XPO4: variants seen among roughly 807,000 people sequenced by gnomAD.
XPO4 encodes the protein exportin-4.
In XPO4, 39 loss-of-function variants were observed where a neutral mutation model predicts 143.0. The ratio of observed to expected loss-of-function variants is 0.27; its 90% CI spans 0.21 to 0.36. XPO4 has a LOEUF of 0.36. XPO4 is among the 10% of genes least tolerant of loss of function. The pLI, the probability that XPO4 is intolerant of heterozygous loss-of-function variation, is 1.00. For missense variants in XPO4, 907 were observed against 1,348.0 expected (o/e 0.67, Z 5.12); for synonymous variants, 439 against 474.0 (o/e 0.93, Z 0.96).
chr13:20,859,130 G>A (rs1485815003), intron 3 of XPO4, among the ~76,000 whole-genome samples: 1 of 151,378 alleles, frequency 6.6e-6, no homozygotes, highest in African/African-American at 2.4e-5. Context: ...TCAGGAGTTA[G>A]AGACCAGCCT....
chr13:20,847,166 G>T (rs2060036862), intron 4 of XPO4, among the ~76,000 whole-genome samples: 1 of 152,120 alleles, frequency 6.6e-6, no homozygotes, highest in South Asian at 2.1e-4. Context: ...AGAGACTCCT[G>T]GGGAATGATG....
At chr13:20,880,432 CA>C (rs1201714994) in intron 1 of XPO4, among the ~76,000 whole-genome samples, 6 of 115,590 alleles carry the variant, frequency 5.2e-5, no homozygotes, top group Non-Finnish European at 5.4e-5. Flanking sequence ...GACTCCGTCT[CA>C]AAAAAAAAAG....
chr13:20,827,254 G>A, intron 6 of XPO4, 75 bp from the exon 7 acceptor site: 1 of 1,051,550 alleles, frequency 9.5e-7, no homozygotes, highest in Admixed American at 1.8e-5. Flanking sequence ...AAATATAACA[G>A]GAGCCATCTA....
chr13:20,864,685 C>T (rs1386825804), intron 2 of XPO4, among the ~76,000 whole-genome samples: 1 of 152,124 alleles, frequency 6.6e-6, no homozygotes, highest in African/African-American at 2.4e-5. Flanking sequence ...GTTTTTACAT[C>T]CAAGCCTTTT....
At chr13:20,798,791 G>T (rs532997579) in intron 16 of XPO4, among the ~76,000 whole-genome samples, 1 of 152,156 alleles carries the variant, frequency 6.6e-6, no homozygotes, top group South Asian at 2.1e-4. Flanking sequence ...AGGCCAAGGC[G>T]GGCAGATTGC....
intron 9 of XPO4, among the ~76,000 whole-genome samples, chr13:20,816,692 T>G (rs1354239839): frequency 1.3e-5 from 2 of 152,230 alleles, no homozygotes; most frequent in Non-Finnish European, 2.9e-5. Context: ...TAACACTGGT[T>G]CTGCACTAGG....
Position 20,779,678 on chromosome 13 carries a change from A to G in XPO4, c.*4044T>C, listed in dbSNP as rs886521009. The G allele has an allele frequency of 1.3e-5, 2 of 152,618 alleles. No homozygotes were observed. The highest frequency in any genetic ancestry group is 2.9e-5 in the Non-Finnish European group (2 of 68,030). 9.5% of individuals were successfully genotyped at this position (152,618 alleles called of 1,614,324 possible). A position where few individuals can be genotyped will look rare whatever the true frequency, so the allele number is the denominator to read the frequency against. On this transcript the variant is annotated 3_prime_UTR_variant, in exon 23 of 23. Coordinates refer to ENST00000255305, the MANE Select transcript of XPO4 (RefSeq NM_022459.5). The stretch of plus-strand genomic sequence containing the variant: ...CTTTACTAAGACTTACCCATAGAGA[A>G]CTACAGCAGGAAACCGATTTCTTCA...
At chr13:20,838,229 GCA>G (rs1205583512) in intron 6 of XPO4, among the ~76,000 whole-genome samples, 14 of 152,092 alleles carry the variant, frequency 9.2e-5, no homozygotes, top group Non-Finnish European at 1.6e-4. Context: ...ATCTCTCTAT[GCA>G]CATCCTACAG....
At chr13:20,833,734 A>G (rs185259001) in intron 6 of XPO4, among the ~76,000 whole-genome samples, 60 of 152,272 alleles carry the variant, frequency 3.9e-4, no homozygotes, top group African/African-American at 1.2e-3. Flanking sequence ...GAAAATAGCA[A>G]AAGAAAGCCA....
At chr13:20,874,123 A>T (rs2138145105) in intron 1 of XPO4, among the ~76,000 whole-genome samples, 1 of 152,332 alleles carries the variant, frequency 6.6e-6, no homozygotes, top group Middle Eastern at 3.4e-3. Context: ...TGCTGGCGAC[A>T]CACAGTTGGG....
At chr13:20,831,584 T>C (rs2138011719) in intron 6 of XPO4, among the ~76,000 whole-genome samples, 1 of 152,274 alleles carries the variant, frequency 6.6e-6, no homozygotes, top group African/African-American at 2.4e-5. Flanking sequence ...TATATTTTTC[T>C]AAAATAAATA....
chr13:20,841,899 G>T (rs2059978238), intron 6 of XPO4, among the ~76,000 whole-genome samples: 1 of 150,878 alleles, frequency 6.6e-6, no homozygotes, highest in Non-Finnish European at 1.5e-5. Context: ...CTCCTGAACA[G>T]ACTCTCAGAT....
chr13:20,781,115 A>C lies in XPO4; in HGVS notation c.*2607T>G, dbSNP rs2059137616. 6.6e-6 allele frequency: 1 copy of C among 152,234 alleles called. No individual in the cohort carries two copies. 9.4% of individuals were successfully genotyped at this position (152,234 alleles called of 1,614,324 possible). A position where few individuals can be genotyped will look rare whatever the true frequency, so the allele number is the denominator to read the frequency against. ...AGTGTCCCTTTGACATATATAAAAGAGGGCACAAATAATGTTTTTGTTTTA... is the reference window on the plus strand; with the variant it reads ...AGTGTCCCTTTGACATATATAAAAGCGGGCACAAATAATGTTTTTGTTTTA... On this transcript the variant is annotated 3_prime_UTR_variant, in exon 23 of 23. Transcript: ENST00000255305.
intron 4 of XPO4, chr13:20,852,046 C>A: frequency 2.0e-6 from 2 of 985,388 alleles, no homozygotes; most frequent in Non-Finnish European, 2.4e-6. Context: ...GGACTCTTGA[C>A]CCTTCGCCTG....
chr13:20,888,768 C>G (rs79282817), intron 1 of XPO4, among the ~76,000 whole-genome samples: 2,035 of 151,472 alleles, frequency 0.013, 48 homozygotes, highest in African/African-American at 0.046. Flanking sequence ...TTCACATTCA[C>G]AATTATGAGA....
At chr13:20,848,676 A>G in intron 4 of XPO4, 4 of 985,414 alleles carry the variant, frequency 4.1e-6, no homozygotes, top group Non-Finnish European at 4.8e-6. Flanking sequence ...TCACTAAAGC[A>G]ATATAGTAAA....
intron 3 of XPO4, among the ~76,000 whole-genome samples, chr13:20,862,231 CA>C (rs1019524842): frequency 6.6e-6 from 1 of 152,092 alleles, no homozygotes; most frequent in African/African-American, 2.4e-5. Context: ...ATCAAAAGAA[CA>C]AGTAAATATA....
chr13:20,855,667 T>G lies in XPO4; in HGVS notation c.416A>C (p.His139Pro). 1 of 1,612,254 alleles carries G rather than the reference T, an allele frequency of 6.2e-7. No individual in the cohort carries two copies. Among genetic ancestry groups the G allele is most frequent in the South Asian group, 1.1e-5 (1 of 90,652 alleles). The change falls in exon 4 of 23, where the codon CAT becomes CCT. Residue 139 changes from histidine (H) to proline (P), a missense_variant. Transcript: ENST00000255305. ...ACTACTAATCAACTGGCTGACTTCA[T>G]GAAAAATGCTTTTGCAGTCAATTGA... ...DKSIDCKSIF[H>P]EVSQLISSGN...
chr13:20,854,619 C>T (rs1401159759), intron 4 of XPO4, among the ~76,000 whole-genome samples: 1 of 152,044 alleles, frequency 6.6e-6, no homozygotes, highest in Non-Finnish European at 1.5e-5. Context: ...CCAAGTATTA[C>T]CAATCTCAAT....
Sources: gnomAD v4.1 joint callset for allele counts (sites outside exome capture counted in the v4.1 genomes callset) on GRCh38, gnomAD v4.1.1 for gene constraint, MANE v1.5 for transcripts, NCBI Gene and HGNC (gene_info 2026-07-23, HGNC 2026-07-21) for gene names.